Variants in KIAA0319L observed in about 807,000 individuals in gnomAD.
KIAA0319L encodes the protein dyslexia-associated protein KIAA0319-like protein.
In KIAA0319L, 55 loss-of-function variants were observed where a neutral mutation model predicts 120.1. That is an observed-to-expected ratio of 0.46 (90% CI 0.37 to 0.57). The LOEUF (loss-of-function observed/expected upper bound fraction) is 0.57. Among genes scored for constraint, KIAA0319L ranks in the 20% least tolerant of loss-of-function variants. KIAA0319L has a pLI of 0.00. For synonymous variants in KIAA0319L, 398 were observed against 471.9 expected (o/e 0.84, Z 2.03); for missense variants, 1,049 against 1,255.3 (o/e 0.84, Z 2.48).
chr1:35,479,263 CA>C (rs1156636980), intron 3 of KIAA0319L, 51 bp from the exon 4 acceptor site: 3 of 1,465,204 alleles, frequency 2.0e-6, no homozygotes, highest in Non-Finnish European at 1.9e-6. Flanking sequence ...CATAATTTTT[CA>C]GGTTATGTCT....
At chr1:35,552,013 A>G (rs1647237617) in intron 2 of KIAA0319L, among the ~76,000 whole-genome samples, 1 of 152,048 alleles carries the variant, frequency 6.6e-6, no homozygotes, top group African/African-American at 2.4e-5. Flanking sequence ...GAATCCCTCA[A>G]ATAGGAAGCT....
intron 3 of KIAA0319L, among the ~76,000 whole-genome samples, chr1:35,501,413 C>T (rs1645000880): frequency 6.6e-6 from 1 of 152,198 alleles, no homozygotes; most frequent in Non-Finnish European, 1.5e-5. Flanking sequence ...TTCTACCTCC[C>T]TGTGAAAACC....
intron 2 of KIAA0319L, among the ~76,000 whole-genome samples, chr1:35,515,884 C>T (rs1016047576): frequency 1.3e-5 from 2 of 151,928 alleles, no homozygotes; most frequent in African/African-American, 4.8e-5. Flanking sequence ...CCACTGACCG[C>T]CCAGAAATAA....
chr1:35,487,042 C>T lies in KIAA0319L; in HGVS notation c.667-7830G>A, dbSNP rs59673429. The stretch of plus-strand genomic sequence containing the variant: ...TCTATTGACTGCCTTTTTTTCCCTG[C>T]GTATGGATCACCCTTTCCTGTTCCT... On this transcript the variant is annotated intron_variant, in intron 3 of 20. Coordinates refer to ENST00000325722, the MANE Select transcript of KIAA0319L (RefSeq NM_024874.5). 5.2e-3 allele frequency among the ~76,000 whole-genome samples: 796 copies of T among 152,226 alleles called. 6 individuals carry two copies. The highest frequency in any genetic ancestry group is 0.018 in the African/African-American group (754 of 41,538).
intron 3 of KIAA0319L, among the ~76,000 whole-genome samples, chr1:35,489,795 T>A (rs1440979711): frequency 1.3e-5 from 2 of 151,386 alleles, no homozygotes; most frequent in African/African-American, 4.9e-5. Flanking sequence ...GCCTCCCAAA[T>A]AGCTGAGATT....
chr1:35,453,586 T>G lies in KIAA0319L; in HGVS notation c.1884A>C (p.Lys628Asn). 1 of 1,614,082 alleles carries G rather than the reference T, an allele frequency of 6.2e-7. No homozygotes were observed. Among genetic ancestry groups the G allele is most frequent in the African/African-American group, 1.3e-5 (1 of 75,028 alleles). Residue 628 changes from lysine to asparagine, a missense_variant, in exon 12 of 21, where the codon AAA (lysine) becomes AAC (asparagine). By Grantham distance (94) the Lys-to-Asn change is moderately conservative (BLOSUM62 0). Coordinates refer to ENST00000325722, the MANE Select transcript of KIAA0319L (RefSeq NM_024874.5). This position sits in a 1 kb window ranked among gnomAD's most constrained non-coding sequence, Gnocchi z 4.1. ...TTTTTTCCCAGAGATATGAGATAATTTTCTGATCATCTGAGCTCTTGCTGC... is the reference window on the plus strand; with the variant it reads ...TTTTTTCCCAGAGATATGAGATAATGTTCTGATCATCTGAGCTCTTGCTGC... ...LDGSKSSDDQ[K>N]IISYLWEKTQ...
At chr1:35,533,089 G>A (rs531744681) in intron 2 of KIAA0319L, 1 of 152,218 alleles carries the variant, frequency 6.6e-6, no homozygotes. Context: ...ATTATTGCCA[G>A]AAGGAAATTC....
At chr1:35,511,958 A>G (rs1015905641) in intron 2 of KIAA0319L, among the ~76,000 whole-genome samples, 2 of 152,094 alleles carry the variant, frequency 1.3e-5, no homozygotes, top group Admixed American at 6.6e-5. Flanking sequence ...TTGTTTGTCC[A>G]CATATATTAC....
At chr1:35,518,283 C>T (rs180757169) in intron 2 of KIAA0319L, among the ~76,000 whole-genome samples, 19 of 152,226 alleles carry the variant, frequency 1.2e-4, no homozygotes, top group Admixed American at 1.1e-3. Context: ...CATTACAGCA[C>T]TATTCACAAC....
chr1:35,464,749 G>A (rs896794275), intron 7 of KIAA0319L, among the ~76,000 whole-genome samples: 18 of 152,194 alleles, frequency 1.2e-4, no homozygotes, highest in Non-Finnish European at 2.1e-4. Context: ...TGGAGGCCTA[G>A]GAGGGAAAAA....
chr1:35,543,006 C>T (rs1158277361), intron 2 of KIAA0319L, among the ~76,000 whole-genome samples: 5 of 152,110 alleles, frequency 3.3e-5, no homozygotes, highest in Non-Finnish European at 7.4e-5. Context: ...CACAGGTCTT[C>T]TAAAGGGCAA....
intron 2 of KIAA0319L, among the ~76,000 whole-genome samples, chr1:35,516,041 A>C (rs1313413301): frequency 1.3e-5 from 2 of 152,216 alleles, no homozygotes; most frequent in African/African-American, 4.8e-5. Flanking sequence ...ATGAGCTCTA[A>C]AACTGAATCA....
At chr1:35,498,354 C>T (rs1277404129) in intron 3 of KIAA0319L, among the ~76,000 whole-genome samples, 3 of 150,820 alleles carry the variant, frequency 2.0e-5, no homozygotes, top group African/African-American at 7.3e-5. Flanking sequence ...AAAAAAGAAA[C>T]TATGAAGTAA....
intron 3 of KIAA0319L, among the ~76,000 whole-genome samples, chr1:35,484,767 C>CATATATATAT (rs56318513): frequency 1.9e-5 from 1 of 51,532 alleles, no homozygotes; most frequent in Non-Finnish European, 3.5e-5. Context: ...AGTTTTTAAT[C>CATATATATAT]ATATATATAT....
At chr1:35,442,519 T>C (rs1478455385) in intron 18 of KIAA0319L, among the ~76,000 whole-genome samples, 183 bp from the exon 19 acceptor site, 1 of 152,158 alleles carries the variant, frequency 6.6e-6, no homozygotes, top group African/African-American at 2.4e-5. Context: ...ATGTCCCTGC[T>C]TTCCAGTCCC....
At chr1:35,551,871 G>C (rs1399831174) in intron 2 of KIAA0319L, among the ~76,000 whole-genome samples, 1 of 151,934 alleles carries the variant, frequency 6.6e-6, no homozygotes, top group Non-Finnish European at 1.5e-5. Flanking sequence ...ACTTAATTAG[G>C]GTGCTGTTTT....
At chr1:35,529,468 C>G (rs1253434863) in intron 2 of KIAA0319L, among the ~76,000 whole-genome samples, 1 of 152,078 alleles carries the variant, frequency 6.6e-6, no homozygotes, top group African/African-American at 2.4e-5. Flanking sequence ...TGTAGGACTC[C>G]CTTAATCTTT....
At chr1:35,500,349 G>A (rs777195747) in intron 3 of KIAA0319L, among the ~76,000 whole-genome samples, 3 of 152,214 alleles carry the variant, frequency 2.0e-5, no homozygotes, top group Non-Finnish European at 2.9e-5. Context: ...AAGCCTCTGT[G>A]CTCCTCCTGC....
At chr1:35,519,821 T>C (rs1645837679) in intron 2 of KIAA0319L, among the ~76,000 whole-genome samples, 1 of 152,242 alleles carries the variant, frequency 6.6e-6, no homozygotes, top group Non-Finnish European at 1.5e-5. Context: ...ATTCATCTTA[T>C]CTGTCCTTAT....
Sources: gnomAD v4.1 joint callset for allele counts (sites outside exome capture counted in the v4.1 genomes callset) on GRCh38, gnomAD v4.1.1 for gene constraint, Gnocchi (gnomAD v3.1) non-coding constraint, MANE v1.5 for transcripts, NCBI Gene and HGNC (gene_info 2026-07-23, HGNC 2026-07-21) for gene names.